Variants in NOTCH2 observed in about 807,000 individuals in gnomAD.
NOTCH2 encodes neurogenic locus notch homolog protein 2.
Under a neutral mutation model 235.8 loss-of-function variants are expected in NOTCH2, and 29 were observed. The ratio of observed to expected loss-of-function variants is 0.12; its 90% CI spans 0.09 to 0.17. The LOEUF is 0.17. Among genes scored for constraint, NOTCH2 ranks in the 10% least tolerant of loss-of-function variants. The pLI is 1.00. For synonymous variants in NOTCH2, 1,086 were observed against 1,141.5 expected (o/e 0.95, Z 0.98); for missense variants, 2,285 against 3,150.2 (o/e 0.73, Z 6.57).
chr1:119,916,456 C>A lies in NOTCH2; in HGVS notation c.6266G>T (p.Arg2089Ile). The A allele has an allele frequency of 6.2e-7, 1 of 1,613,380 alleles. No individual in the cohort carries two copies. Among genetic ancestry groups the A allele is most frequent in the East Asian group, 2.2e-5 (1 of 44,870 alleles). The change falls in exon 34 of 34, where the codon AGA (arginine) becomes ATA (isoleucine). Residue 2089 changes from arginine to isoleucine, a missense_variant. This residue lies in a region of NOTCH2 where 504 missense variants were observed against 538.0 expected (regional missense o/e 0.94). Transcript: ENST00000256646. ...GGTGTGCTTCAGGCTGAGGAAAGAT[C>A]TGTTGGGCCCACAGATGACAGGTGA... ...ALSPVICGPN[R>I]SFLSLKHTPM...
At chr1:119,968,952 ATCT>A (rs1412946650) in intron 6 of NOTCH2, among the ~76,000 whole-genome samples, 10 of 152,226 alleles carry the variant, frequency 6.6e-5, no homozygotes, top group African/African-American at 2.2e-4. Flanking sequence ...CAGCTAAATT[ATCT>A]TCTCCCATCA....
chr1:119,922,815 TGGG>T (rs768490853), intron 26 of NOTCH2, 37 bp from the exon 27 acceptor site: 13 of 1,613,008 alleles, frequency 8.1e-6, no homozygotes, highest in Non-Finnish European at 1.1e-5. Flanking sequence ...GGAGGAGAGA[TGGG>T]GGTAAAACAG....
intron 1 of NOTCH2, among the ~76,000 whole-genome samples, chr1:120,057,969 CA>C (rs1338659153): frequency 1.9e-5 from 2 of 107,834 alleles, no homozygotes; most frequent in African/African-American, 7.1e-5. Flanking sequence ...TGATTTATTG[CA>C]GCGGCCCTAG....
intron 7 of NOTCH2, 50 bp from the exon 8 acceptor site, chr1:119,967,671 C>G (rs781956341): frequency 4.0e-6 from 6 of 1,500,174 alleles, no homozygotes; most frequent in Non-Finnish European, 5.6e-6. Flanking sequence ...TGAGTTTCCA[C>G]AAATGTGAAC....
Position 119,922,128 on chromosome 1 carries a change from G to A in NOTCH2, c.5213+108C>T, listed in dbSNP as rs1246435807. On this transcript the variant is annotated intron_variant, in intron 28 of 33. Transcript: ENST00000256646. The stretch of plus-strand genomic sequence containing the variant: ...AGGCATTTAGAATCATGGTCAATGT[G>A]AGTAAATGCCCAGAGCTTAGAATTT... 7 of 1,231,852 alleles carry A rather than the reference G, an allele frequency of 5.7e-6. No homozygotes were observed. The Admixed American group carries it at 1.1e-4, about 20-fold the overall frequency. 76.3% of individuals were successfully genotyped at this position (1,231,852 alleles called of 1,614,324 possible). A position where few individuals can be genotyped will look rare whatever the true frequency, so the allele number is the denominator to read the frequency against.
At chr1:119,945,980 C>G (rs1553196989) in intron 17 of NOTCH2, among the ~76,000 whole-genome samples, 2 of 151,708 alleles carry the variant, frequency 1.3e-5, no homozygotes. Context: ...GACAAATTAC[C>G]AATAGTAGAA....
At chr1:120,033,459 A>G (rs1472928666) in intron 1 of NOTCH2, among the ~76,000 whole-genome samples, 1 of 142,114 alleles carries the variant, frequency 7.0e-6, no homozygotes, top group African/African-American at 2.6e-5. Flanking sequence ...GTAGATATAT[A>G]CAATGGAATA....
At chr1:119,995,728 TA>T (rs1652417708) in intron 4 of NOTCH2, 25 of 152,208 alleles carry the variant, frequency 1.6e-4, no homozygotes, top group Admixed American at 1.6e-3. Context: ...TCTTGTGACT[TA>T]AATAATATAA....
chr1:119,932,780 C>A (rs587665841), intron 22 of NOTCH2, among the ~76,000 whole-genome samples: 2 of 152,078 alleles, frequency 1.3e-5, no homozygotes, highest in South Asian at 2.1e-4. Context: ...AATAAAATAT[C>A]TTTGCATTTG....
At chr1:119,928,912 C>A in intron 23 of NOTCH2, 64 bp downstream of exon 23, 1 of 1,373,600 alleles carries the variant, frequency 7.3e-7, no homozygotes. Flanking sequence ...ACTCACAGGG[C>A]CCAATTTGTT....
intron 2 of NOTCH2, among the ~76,000 whole-genome samples, chr1:120,006,033 C>G (rs1386325256): frequency 6.7e-6 from 1 of 150,288 alleles, no homozygotes; most frequent in East Asian, 2.0e-4. Context: ...TGAACTTGAC[C>G]CTATTATCCC....
At chr1:120,014,656 T>C (rs587677824) in intron 2 of NOTCH2, among the ~76,000 whole-genome samples, 706 of 122,394 alleles carry the variant, frequency 5.8e-3, no homozygotes, top group African/African-American at 0.023. Flanking sequence ...AGTTTACATG[T>C]AGCCACTTTA....
chr1:119,915,625 G>C lies in NOTCH2; in HGVS notation c.7097C>G (p.Ala2366Gly), dbSNP rs766636607. 2 of 1,614,040 alleles carry C rather than the reference G, an allele frequency of 1.2e-6. No homozygotes were observed. The highest frequency in any genetic ancestry group is 1.7e-6 in the Non-Finnish European group (2 of 1,180,042). ...AMMPQQDGQV[A>G]QTILPAYHPF... Reference sequence around the variant, plus strand: ...ATGATAGGCTGGGAGAATGGTCTGAGCTACCTGCCCGTCCTGCTGGGGCAT... The same window carrying C: ...ATGATAGGCTGGGAGAATGGTCTGACCTACCTGCCCGTCCTGCTGGGGCAT... Residue 2366 changes from alanine (A) to glycine (G), a missense_variant, in exon 34 of 34, where the codon GCT (alanine) becomes GGT (glycine). Coordinates refer to ENST00000256646, the MANE Select transcript of NOTCH2 (RefSeq NM_024408.4).
intron 3 of NOTCH2, 25 bp from the exon 4 acceptor site, chr1:119,997,357 G>A (rs781895503): frequency 2.5e-6 from 4 of 1,611,210 alleles, no homozygotes; most frequent in Non-Finnish European, 3.4e-6. Flanking sequence ...ACAAAACTCA[G>A]TACTGGCCAC....
chr1:119,948,530 G>A lies in NOTCH2; in HGVS notation c.2636C>T (p.Ser879Phe), dbSNP rs1004494435. 56 of 1,614,072 alleles carry A rather than the reference G, an allele frequency of 3.5e-5. No individual in the cohort carries two copies. Among genetic ancestry groups the A allele is most frequent in the Non-Finnish European group, 4.5e-5 (53 of 1,180,034 alleles). The change falls in exon 17 of 34, where the codon TCC (serine) becomes TTC (phenylalanine). Residue 879 changes from serine to phenylalanine, a missense_variant. Physicochemically the swap from Ser to Phe is radical, Grantham distance 155 (BLOSUM62 -2). Coordinates refer to ENST00000256646, the MANE Select transcript of NOTCH2 (RefSeq NM_024408.4). ...RCTIDIDECI[S>F]KPCMNHGLCH... Reference sequence around the variant, plus strand: ...GAGACCATGGTTCATGCAGGGCTTGGAGATACACTCGTCAATGTCAATGGT... The same window carrying A: ...GAGACCATGGTTCATGCAGGGCTTGAAGATACACTCGTCAATGTCAATGGT...
Position 119,929,024 on chromosome 1 carries a change from T to C in NOTCH2, c.3844A>G (p.Ile1282Val). 1 of 1,614,152 alleles carries C rather than the reference T, an allele frequency of 6.2e-7. No individual in the cohort carries two copies. Among genetic ancestry groups the C allele is most frequent in the Non-Finnish European group, 8.5e-7 (1 of 1,180,012 alleles). ...PCSSEGSLDC[I>V]QLTNDYLCVC... is the part of the protein sequence containing the mutation. ...CACAGGTAGTCATTGGTGAGCTGTA[T>C]ACAGTCCAGGCTGCCCTCAGAGCTG... The change falls in exon 23 of 34, where the codon ATA (isoleucine) becomes GTA (valine). Residue 1282 changes from isoleucine (I) to valine (V), a missense_variant. Around this residue, in one of 6 missense-constraint regions of NOTCH2, gnomAD observed 1,173 missense variants for 1,515.3 expected, o/e 0.77. Coordinates refer to ENST00000256646, the MANE Select transcript of NOTCH2 (RefSeq NM_024408.4).
chr1:120,013,839 G>C (rs1246431652), intron 2 of NOTCH2, among the ~76,000 whole-genome samples: 1 of 151,220 alleles, frequency 6.6e-6, no homozygotes, highest in Non-Finnish European at 1.5e-5. Context: ...TTAAATAGCT[G>C]TCTTCTTGAG....
chr1:119,943,667 A>T (rs1372218583), intron 17 of NOTCH2, among the ~76,000 whole-genome samples: 2 of 152,214 alleles, frequency 1.3e-5, no homozygotes, highest in Non-Finnish European at 2.9e-5. Flanking sequence ...AGCATCCAGT[A>T]AAAAGTTACC....
At chr1:119,935,342 G>T in intron 22 of NOTCH2, 130 bp downstream of exon 22, 1 of 1,603,834 alleles carries the variant, frequency 6.2e-7, no homozygotes. Flanking sequence ...TTACTAGGAT[G>T]TAGAACTAAA....
Sources: gnomAD v4.1 joint callset for allele counts (sites outside exome capture counted in the v4.1 genomes callset) on GRCh38, gnomAD v4.1.1 for gene constraint, gnomAD v4.1.1 regional missense constraint, MANE v1.5 for transcripts, NCBI Gene and HGNC (gene_info 2026-07-23, HGNC 2026-07-21) for gene names.